The following LRRC4C variants were observed in gnomAD, a reference collection of about 807,000 sequenced individuals.
LRRC4C encodes leucine-rich repeat-containing protein 4C.
A neutral mutation model predicts 33.6 loss-of-function variants in LRRC4C; 5 were observed. The observed-to-expected ratio is 0.15, with a 90% CI of 0.08 to 0.31. LRRC4C has a LOEUF of 0.31. Among genes scored for constraint, LRRC4C ranks in the 10% least tolerant of loss-of-function variants. The pLI is 1.00. For missense variants in LRRC4C, 560 were observed against 796.7 expected (o/e 0.70, Z 3.58); for synonymous variants, 329 against 302.0 (o/e 1.09, Z -0.93).
intron 3 of LRRC4C, among the ~76,000 whole-genome samples, chr11:40,582,308 T>C (rs1257968436): frequency 6.6e-6 from 1 of 152,202 alleles, no homozygotes; most frequent in African/African-American, 2.4e-5. Context: ...TGGATTGTTA[T>C]ACATGAGTTT....
chr11:41,321,584 T>C (rs547452063), intron 1 of LRRC4C, among the ~76,000 whole-genome samples: 2 of 152,324 alleles, frequency 1.3e-5, no homozygotes, highest in South Asian at 4.1e-4. Context: ...TTTAATGATC[T>C]TGTGCCAGCC....
At chr11:41,129,596 C>T (rs934333997) in intron 1 of LRRC4C, among the ~76,000 whole-genome samples, 1 of 151,676 alleles carries the variant, frequency 6.6e-6, no homozygotes, top group Admixed American at 6.6e-5. Context: ...TTTTATCTGC[C>T]TCAATGGATT....
At chr11:41,106,394 GC>G (rs1013508723) in intron 1 of LRRC4C, among the ~76,000 whole-genome samples, 15 of 151,686 alleles carry the variant, frequency 9.9e-5, no homozygotes, top group African/African-American at 3.6e-4. Context: ...ACTGTGCTAA[GC>G]ATTTTACATG....
At chr11:41,171,702 A>C (rs1216981748) in intron 1 of LRRC4C, among the ~76,000 whole-genome samples, 1 of 152,082 alleles carries the variant, frequency 6.6e-6, no homozygotes, top group African/African-American at 2.4e-5. Context: ...AGATATTTTT[A>C]TTTGCATGAC....
chr11:40,700,797 A>G (rs1303011526), intron 2 of LRRC4C, among the ~76,000 whole-genome samples: 5 of 152,168 alleles, frequency 3.3e-5, no homozygotes, highest in Non-Finnish European at 7.4e-5. Context: ...TAATTTAACA[A>G]TCATTTACCC....
At chr11:40,764,141 C>G (rs1473377760) in intron 2 of LRRC4C, among the ~76,000 whole-genome samples, 54 of 151,978 alleles carry the variant, frequency 3.6e-4, no homozygotes, top group Non-Finnish European at 1.0e-4. Flanking sequence ...TAGAATAAGG[C>G]ACTGCGCTGA....
At chr11:41,098,307 C>T (rs1302430837) in intron 1 of LRRC4C, among the ~76,000 whole-genome samples, 2 of 152,064 alleles carry the variant, frequency 1.3e-5, no homozygotes, top group Non-Finnish European at 2.9e-5. Context: ...GACTGTTTCT[C>T]AATTCTTTCA....
chr11:41,028,367 G>C (rs1162062521), intron 1 of LRRC4C, among the ~76,000 whole-genome samples: 1 of 151,448 alleles, frequency 6.6e-6, no homozygotes, highest in African/African-American at 2.4e-5. Context: ...AAGAATCTAT[G>C]TTTCTTTCTA....
At chr11:40,213,906 T>C (rs1335834001) in intron 5 of LRRC4C, among the ~76,000 whole-genome samples, 2 of 152,146 alleles carry the variant, frequency 1.3e-5, no homozygotes. Context: ...GTAGATCGTA[T>C]GATCCCAAAT....
chr11:41,447,340 T>C (rs951915360), intron 1 of LRRC4C, among the ~76,000 whole-genome samples: 1 of 152,202 alleles, frequency 6.6e-6, no homozygotes, highest in Non-Finnish European at 1.5e-5. Flanking sequence ...ACATGAAATA[T>C]GTAACTAAGA....
intron 3 of LRRC4C, among the ~76,000 whole-genome samples, chr11:40,535,701 A>G (rs1956442853): frequency 6.6e-6 from 1 of 152,208 alleles, no homozygotes; most frequent in African/African-American, 2.4e-5. Flanking sequence ...CTAATTTACT[A>G]TTATGTTTCA....
In LRRC4C at chr11:40,631,513, C is replaced by T. The variant is rs566076777; in HGVS notation, c.-270+16629G>A. On this transcript the variant is annotated intron_variant, in intron 3 of 6. Transcript: ENST00000528697. Reference sequence around the variant, plus strand: ...TAGGAAAGGCAATTGCTTTAACCTGCGAACTCTGACTCTGTTGCTCTTTAC... The same window carrying T: ...TAGGAAAGGCAATTGCTTTAACCTGTGAACTCTGACTCTGTTGCTCTTTAC... 5.3e-4 allele frequency among the ~76,000 whole-genome samples: 81 copies of T among 151,566 alleles called. 1 individual carries two copies. The highest frequency in any genetic ancestry group is 5.9e-4 in the Non-Finnish European group (40 of 68,012).
At chr11:41,181,663 A>G (rs1292168490) in intron 1 of LRRC4C, among the ~76,000 whole-genome samples, 1 of 152,306 alleles carries the variant, frequency 6.6e-6, no homozygotes, top group East Asian at 1.9e-4. Context: ...AAAGAGACTC[A>G]ATTCTTAATA....
At chr11:41,308,305 T>G (rs921861629) in intron 1 of LRRC4C, among the ~76,000 whole-genome samples, 5 of 115,536 alleles carry the variant, frequency 4.3e-5, no homozygotes, top group African/African-American at 1.2e-4. Flanking sequence ...TGGTGAAAGA[T>G]TTTTTTTTGC....
chr11:41,445,283 A>T (rs1418105219), intron 1 of LRRC4C, among the ~76,000 whole-genome samples: 1 of 152,212 alleles, frequency 6.6e-6, no homozygotes, highest in Non-Finnish European at 1.5e-5. Flanking sequence ...TAAAGAGTGC[A>T]TGAGAAAATC....
At chr11:41,251,220 A>G (rs1565518679) in intron 1 of LRRC4C, among the ~76,000 whole-genome samples, 1 of 152,214 alleles carries the variant, frequency 6.6e-6, no homozygotes, top group Non-Finnish European at 1.5e-5. Context: ...GTTCATGCCT[A>G]CCATTAAGAA....
chr11:40,804,958 T>G (rs1428639076), intron 2 of LRRC4C, among the ~76,000 whole-genome samples: 1 of 152,206 alleles, frequency 6.6e-6, no homozygotes, highest in African/African-American at 2.4e-5. Context: ...TAAATGGATC[T>G]TTGGAGTGTA....
At chr11:41,384,729 C>T (rs1355903734) in intron 1 of LRRC4C, among the ~76,000 whole-genome samples, 1 of 150,642 alleles carries the variant, frequency 6.6e-6, no homozygotes, top group African/African-American at 2.4e-5. Context: ...AGCCCCTAGC[C>T]TTTTATTTGG....
intron 5 of LRRC4C, among the ~76,000 whole-genome samples, chr11:40,170,000 A>G (rs1418518128): frequency 2.6e-5 from 4 of 152,182 alleles, no homozygotes; most frequent in Admixed American, 2.0e-4. Flanking sequence ...TAAAGGGAAC[A>G]ATGGTAGTAC....
Sources: gnomAD v4.1 joint callset for allele counts (sites outside exome capture counted in the v4.1 genomes callset) on GRCh38, gnomAD v4.1.1 for gene constraint, MANE v1.5 for transcripts, NCBI Gene and HGNC (gene_info 2026-07-23, HGNC 2026-07-21) for gene names.